The following MYO16 variants were observed in gnomAD, a reference collection of about 807,000 sequenced individuals.
The protein encoded by MYO16 is myosin XVI.
In MYO16, 94 loss-of-function variants were observed where a neutral mutation model predicts 205.3. The ratio of observed to expected loss-of-function variants is 0.46; its 90% CI spans 0.39 to 0.54. The LOEUF is 0.54. Among genes scored for constraint, MYO16 ranks in the 20% least tolerant of loss-of-function variants. The pLI, the probability that MYO16 is intolerant of heterozygous loss-of-function variation, is 0.00. For missense variants in MYO16, 2,315 were observed against 2,387.5 expected (o/e 0.97, Z 0.63); for synonymous variants, 988 against 954.0 (o/e 1.04, Z -0.66).
At chr13:109,083,604 G>C (rs1888348418) in intron 27 of MYO16, among the ~76,000 whole-genome samples, 1 of 152,016 alleles carries the variant, frequency 6.6e-6, no homozygotes, top group Non-Finnish European at 1.5e-5. Context: ...AAAATACCAA[G>C]AATCAAAAGC....
At chr13:108,578,108 G>C in the MYO16 span, among the ~76,000 whole-genome samples, 8 of 152,158 alleles carry the variant, frequency 5.3e-5, no homozygotes, top group Admixed American at 5.2e-4. Flanking sequence ...CCTGGCTTGA[G>C]AAGCAGTTAC....
At chr13:108,748,568 A>G (rs1885133932) in intron 4 of MYO16, among the ~76,000 whole-genome samples, 1 of 152,100 alleles carries the variant, frequency 6.6e-6, no homozygotes, top group Admixed American at 6.5e-5. Context: ...AAGCTACATT[A>G]AAAATGCTTA....
At chr13:108,923,631 C>A (rs1881847133) in intron 16 of MYO16, among the ~76,000 whole-genome samples, 1 of 152,230 alleles carries the variant, frequency 6.6e-6, no homozygotes, top group Admixed American at 6.5e-5. Flanking sequence ...GCTTTCACTG[C>A]CCCAATGCGG....
rs182315188 is a variant in MYO16, at chr13:109,022,870, C to A, written c.2796+2959C>A. Among the ~76,000 whole-genome samples the A allele has an allele frequency of 2.7e-3, 363 of 133,700 alleles. 2 individuals carry two copies. Among genetic ancestry groups the A allele is most frequent in the African/African-American group, 9.5e-3 (348 of 36,448 alleles). The allele number at this position is 133,700 out of a possible 152,430, so 87.7% of individuals were successfully genotyped here. ...TTATATATTATACTCAATATATAAA[C>A]ATGTATATATTTATTATATATACAC... is the stretch of plus-strand genomic sequence containing the variant. On this transcript the variant is annotated intron_variant, in intron 23 of 34. Transcript: ENST00000457511.
chr13:108,819,389 G>C (rs1274205022), intron 7 of MYO16, among the ~76,000 whole-genome samples: 1 of 152,092 alleles, frequency 6.6e-6, no homozygotes, highest in African/African-American at 2.4e-5. Context: ...TCATTTCTAT[G>C]AATGTCACAA....
At chr13:108,731,795 G>C (rs1316740423) in intron 4 of MYO16, among the ~76,000 whole-genome samples, 2 of 152,254 alleles carry the variant, frequency 1.3e-5, no homozygotes, top group South Asian at 4.1e-4. Context: ...GGAAATTACA[G>C]TTTGTTTATT....
chr13:109,178,132 T>TC (rs767007559), intron 33 of MYO16, among the ~76,000 whole-genome samples: 1 of 152,122 alleles, frequency 6.6e-6, no homozygotes, highest in Non-Finnish European at 1.5e-5. Flanking sequence ...ATTGACACAC[T>TC]CCCTTCCGCC....
chr13:108,758,116 C>T (rs887157741), intron 4 of MYO16, among the ~76,000 whole-genome samples: 1 of 152,124 alleles, frequency 6.6e-6, no homozygotes, highest in Non-Finnish European at 1.5e-5. Flanking sequence ...TATCTGTGAA[C>T]CAGAAAGCCC....
At chr13:108,676,372 CGTGTGTGTGTGTGTGT>C (rs35790433) in intron 2 of MYO16, among the ~76,000 whole-genome samples, 1 of 131,672 alleles carries the variant, frequency 7.6e-6, no homozygotes, top group Non-Finnish European at 1.6e-5. Context: ...TATATGTACG[CGTGTGTGTGTGTGTGT>C]GTGTGTGTGT....
chr13:109,147,322 T>C (rs975951869), intron 32 of MYO16, among the ~76,000 whole-genome samples: 3 of 152,216 alleles, frequency 2.0e-5, no homozygotes, highest in African/African-American at 7.2e-5. Context: ...CCATTCATTG[T>C]TTAGCGACAA....
At chr13:108,799,757 G>A (rs1396461120) in intron 6 of MYO16, among the ~76,000 whole-genome samples, 1 of 152,146 alleles carries the variant, frequency 6.6e-6, no homozygotes, top group African/African-American at 2.4e-5. Context: ...ACTTAGTGCT[G>A]TACCAGGTTG....
intron 8 of MYO16, among the ~76,000 whole-genome samples, chr13:108,821,826 T>C (rs1486571127): frequency 2.6e-5 from 4 of 152,126 alleles, no homozygotes; most frequent in East Asian, 1.9e-4. Context: ...TTTTACCACA[T>C]TGGTCATGCA....
chr13:109,186,239 C>A (rs770234864), intron 34 of MYO16, among the ~76,000 whole-genome samples: 3 of 152,118 alleles, frequency 2.0e-5, no homozygotes, highest in Non-Finnish European at 4.4e-5. Flanking sequence ...CCGACACATA[C>A]TTAGTGCAAA....
At chr13:108,849,525 T>TG (rs1877714542) in intron 10 of MYO16, among the ~76,000 whole-genome samples, 7 of 127,754 alleles carry the variant, frequency 5.5e-5, no homozygotes, top group Non-Finnish European at 9.8e-5. Flanking sequence ...ATTTCCTCCT[T>TG]TGTGTGTGTG....
chr13:109,062,919 A>G (rs552859689), intron 27 of MYO16, among the ~76,000 whole-genome samples: 10 of 152,300 alleles, frequency 6.6e-5, no homozygotes, highest in Admixed American at 4.6e-4. Context: ...TTTTGTATTT[A>G]TATCACCTTG....
At chr13:108,784,794 G>A (rs962233050) in intron 4 of MYO16, among the ~76,000 whole-genome samples, 3 of 152,140 alleles carry the variant, frequency 2.0e-5, no homozygotes, top group African/African-American at 7.2e-5. Flanking sequence ...GGGAAATCTT[G>A]GACAATGGGC....
At chr13:108,694,783 T>G (rs1883026562) in intron 2 of MYO16, among the ~76,000 whole-genome samples, 1 of 152,194 alleles carries the variant, frequency 6.6e-6, no homozygotes, top group African/African-American at 2.4e-5. Context: ...TGAGAAACAA[T>G]TACCAAACTC....
In MYO16 at chr13:108,781,753, G is replaced by A. The variant is rs550178858; in HGVS notation, c.508-3882G>A. On this transcript the variant is annotated intron_variant, in intron 4 of 34. Transcript: ENST00000457511. Reference sequence around the variant, plus strand: ...TCTTGTGGGAGGGACCCAGGGGGAGGTAATTGAATCCTGGGGGCCGGTCTT... The same window carrying A: ...TCTTGTGGGAGGGACCCAGGGGGAGATAATTGAATCCTGGGGGCCGGTCTT... Among the ~76,000 whole-genome samples, 4 of 152,276 alleles carry A rather than the reference G, an allele frequency of 2.6e-5. No homozygotes were observed. In the South Asian group the frequency reaches 8.3e-4, roughly 32 times the overall value.
intron 12 of MYO16, among the ~76,000 whole-genome samples, chr13:108,875,437 A>C (rs1299959309): frequency 1.2e-4 from 18 of 152,224 alleles, no homozygotes; most frequent in Non-Finnish European, 1.5e-5. Context: ...TATTATTTCC[A>C]TAATTATATT....
Sources: gnomAD v4.1 joint callset for allele counts (sites outside exome capture counted in the v4.1 genomes callset) on GRCh38, gnomAD v4.1.1 for gene constraint, MANE v1.5 for transcripts, NCBI Gene and HGNC (gene_info 2026-07-23, HGNC 2026-07-21) for gene names.